The following C2CD5 variants were observed in gnomAD, a reference collection of about 807,000 sequenced individuals.
C2CD5 encodes the protein C2 domain-containing protein 5.
A neutral mutation model predicts 130.3 loss-of-function variants in C2CD5; 109 were observed. The ratio of observed to expected loss-of-function variants is 0.84; its 90% confidence interval spans 0.72 to 0.98. The LOEUF (loss-of-function observed/expected upper bound fraction) is 0.98. Ranked by LOEUF, C2CD5 falls within the 50% of genes least tolerant of loss-of-function variation. The probability of loss-of-function intolerance (pLI) is 0.00; values close to 1 mark genes in which losing one functional copy is unlikely to be tolerated. For synonymous variants in C2CD5, 454 were observed against 429.2 expected (o/e 1.06, Z -0.71); for missense variants, 996 against 1,261.8 (o/e 0.79, Z 3.19).
chr12:22,522,348 T>A (rs1443423686), intron 7 of C2CD5, among the ~76,000 whole-genome samples: 1 of 152,162 alleles, frequency 6.6e-6, no homozygotes, highest in Non-Finnish European at 1.5e-5. Flanking sequence ...AGCACCCTAA[T>A]CATTATGACT....
At chr12:22,468,788 A>C (rs1453469227) in intron 22 of C2CD5, among the ~76,000 whole-genome samples, 2 of 152,178 alleles carry the variant, frequency 1.3e-5, no homozygotes, top group African/African-American at 2.4e-5. Context: ...TATCTATATA[A>C]ACAGACTTTG....
chr12:22,485,232 T>C (rs1945316340), intron 12 of C2CD5, among the ~76,000 whole-genome samples: 1 of 151,986 alleles, frequency 6.6e-6, no homozygotes, highest in Non-Finnish European at 1.5e-5. Flanking sequence ...AATGATGACA[T>C]TTTCCCACTG....
rs199603129 is a variant in C2CD5 at position 22,530,111 on chromosome 12, T to TACACACAC, written c.178-2227_178-2220dup. Among the ~76,000 whole-genome samples, 139 of 87,546 alleles carry TACACACAC rather than the reference T, an allele frequency of 1.6e-3. 3 individuals carry two copies. The highest frequency in any genetic ancestry group is 8.5e-3 in the African/African-American group (134 of 15,800). The allele number at this position is 87,546 out of a possible 152,430, so 57.4% of individuals were successfully genotyped here. A position where few individuals can be genotyped will look rare whatever the true frequency, so the allele number is the denominator to read the frequency against. Reference sequence around the variant, plus strand: ...ATATATATATATATATATATATATATACACACACACACACACACACACACA... The same window carrying TACACACAC: ...ATATATATATATATATATATATATATACACACACACACACACACACACACACACACACA... On this transcript the variant is annotated intron_variant, in intron 3 of 26. Coordinates refer to ENST00000446597, the MANE Select transcript of C2CD5 (RefSeq NM_001286176.2).
At chr12:22,519,767 G>A (rs1950102931) in intron 7 of C2CD5, among the ~76,000 whole-genome samples, 1 of 151,738 alleles carries the variant, frequency 6.6e-6, no homozygotes, top group African/African-American at 2.4e-5. Context: ...GAGAGATGAT[G>A]GCACAAAGAG....
chr12:22,543,988 G>T, intron 2 of C2CD5, 73 bp downstream of exon 2: 1 of 1,149,610 alleles, frequency 8.7e-7, no homozygotes, highest in Non-Finnish European at 1.3e-6. Context: ...CTGAGGGGCT[G>T]GGGGCGAGGT....
chr12:22,507,980 G>C (rs947733634), intron 9 of C2CD5, among the ~76,000 whole-genome samples: 1 of 151,988 alleles, frequency 6.6e-6, no homozygotes, highest in African/African-American at 2.4e-5. Context: ...GACCACCTCA[G>C]ATTAAATGCA....
rs540275496 is a variant in C2CD5, at chr12:22,508,881, T to A, written c.1039-2062A>T. ...TCTTTATACTTAAATCTTTTTTTTTTTTTTTTGAGACGGAGTCTCGCTCTG... is the reference window on the plus strand; with the variant it reads ...TCTTTATACTTAAATCTTTTTTTTTATTTTTTGAGACGGAGTCTCGCTCTG... On this transcript the variant is annotated intron_variant, in intron 9 of 26. Coordinates refer to ENST00000446597, the MANE Select transcript of C2CD5 (RefSeq NM_001286176.2). Among the ~76,000 whole-genome samples, 12 of 151,696 alleles carry A rather than the reference T, an allele frequency of 7.9e-5. No homozygotes were observed. In the South Asian group the frequency reaches 2.5e-3, roughly 31 times the overall value.
intron 10 of C2CD5, among the ~76,000 whole-genome samples, chr12:22,502,570 T>C (rs1355760233): frequency 6.6e-6 from 1 of 152,224 alleles, no homozygotes; most frequent in Non-Finnish European, 1.5e-5. Flanking sequence ...CACATTTTTA[T>C]ATTTGTATTT....
At chr12:22,512,739 G>GT in intron 9 of C2CD5, 3 of 1,217,330 alleles carry the variant, frequency 2.5e-6, no homozygotes, top group Non-Finnish European at 1.1e-6. Context: ...TCCAAAAACT[G>GT]TAACTGCTTA....
chr12:22,468,156 T>C (rs1193558344), intron 22 of C2CD5, among the ~76,000 whole-genome samples: 1 of 148,758 alleles, frequency 6.7e-6, no homozygotes. Context: ...CCTGAATAAA[T>C]ACAAATTTCT....
Position 22,471,418 on chromosome 12 carries a change from G to A in C2CD5, c.2339C>T (p.Pro780Leu). 2 of 1,570,038 alleles carry A rather than the reference G, an allele frequency of 1.3e-6. No individual in the cohort carries two copies. The highest frequency in any genetic ancestry group is 2.2e-5 in the East Asian group (1 of 44,486). ...AATTACCTGAATTAATTCATCTTCA[G>A]GCAGAGATACTGTAAAATTTACATG... ...LCHVNFTVSL[P>L]EDELIQVTVT... The change falls in exon 20 of 27, where the codon CCT (proline) becomes CTT (leucine). Residue 780 changes from proline (P) to leucine (L), a missense_variant. Coordinates refer to ENST00000446597, the MANE Select transcript of C2CD5 (RefSeq NM_001286176.2).
chr12:22,507,101 C>T (rs533807529), intron 9 of C2CD5: 1 of 259,706 alleles, frequency 3.9e-6, no homozygotes, highest in South Asian at 5.5e-5. Context: ...TTGAAACACA[C>T]TCTTCCTTCC....
rs368787309 is a variant in C2CD5 at position 22,482,634 on chromosome 12, T to C, written c.1660A>G (p.Lys554Glu). The C allele has an allele frequency of 5.0e-5, 80 of 1,613,540 alleles. No homozygotes were observed. Among genetic ancestry groups the C allele is most frequent in the Non-Finnish European group, 6.5e-5 (77 of 1,179,640 alleles). Residue 554 changes from lysine (K) to glutamate (E), a missense_variant, in exon 14 of 27, where the codon AAA becomes GAA. Coordinates refer to ENST00000446597, the MANE Select transcript of C2CD5 (RefSeq NM_001286176.2). ...AACAAAGCATTCATTCCTTTGAGTT[T>C]TAGTTTATTCATTAGCTGAGTATGC... Reference protein sequence around the residue: ...EVHTQLMNKLKLKGMNALFGL... With the variant: ...EVHTQLMNKLELKGMNALFGL...
chr12:22,507,869 T>C (rs1948746493), intron 9 of C2CD5, among the ~76,000 whole-genome samples: 1 of 152,200 alleles, frequency 6.6e-6, no homozygotes, highest in South Asian at 2.1e-4. Flanking sequence ...ACTTTATTCA[T>C]AGGAGACTCC....
chr12:22,515,180 C>G, intron 8 of C2CD5: 3 of 946,420 alleles, frequency 3.2e-6, no homozygotes, highest in Non-Finnish European at 3.8e-6. Flanking sequence ...AGAAAAGATG[C>G]AGATTCAGAA....
intron 9 of C2CD5, among the ~76,000 whole-genome samples, chr12:22,512,916 T>C (rs1047356732): frequency 7.9e-5 from 12 of 152,004 alleles, no homozygotes; most frequent in African/African-American, 2.9e-4. Flanking sequence ...AGCAAATAAA[T>C]ATATTTATAT....
At chr12:22,533,865 T>G (rs977941862) in intron 3 of C2CD5, among the ~76,000 whole-genome samples, 2 of 152,182 alleles carry the variant, frequency 1.3e-5, no homozygotes, top group African/African-American at 4.8e-5. Context: ...CAACTGAATT[T>G]CTACATGCAT....
At chr12:22,476,554 A>G (rs1166738780) in intron 15 of C2CD5, among the ~76,000 whole-genome samples, 6 of 152,164 alleles carry the variant, frequency 3.9e-5, no homozygotes, top group African/African-American at 1.2e-4. Flanking sequence ...TAGCAGCTCA[A>G]TAAGTACTGA....
intron 21 of C2CD5, 42 bp from the exon 22 acceptor site, chr12:22,469,837 T>C: frequency 8.3e-7 from 1 of 1,199,826 alleles, no homozygotes; most frequent in East Asian, 2.8e-5. Flanking sequence ...TAATGATCTA[T>C]TATTAATTTT....
Sources: allele counts gnomAD v4.1 joint callset (sites outside exome capture counted in the v4.1 genomes callset), GRCh38; gene constraint gnomAD v4.1.1; transcripts MANE v1.5; gene names NCBI Gene and HGNC (gene_info 2026-07-23, HGNC 2026-07-21).